CEACAM1: variants seen among roughly 807,000 people sequenced by gnomAD.
CEACAM1 encodes the protein CEA cell adhesion molecule 1.
CEACAM1 carries 31 observed loss-of-function variants against 49.1 expected under a neutral mutation model. That is an observed-to-expected ratio of 0.63 (90% CI 0.47 to 0.85). The LOEUF (loss-of-function observed/expected upper bound fraction) is 0.85. CEACAM1 is among the 40% of genes least tolerant of loss of function. The probability of loss-of-function intolerance (pLI) is 0.00; values close to 1 mark genes in which losing one functional copy is unlikely to be tolerated. For missense variants in CEACAM1, 570 were observed against 645.3 expected (o/e 0.88, Z 1.26); for synonymous variants, 244 against 247.8 (o/e 0.98, Z 0.14).
intron 5 of CEACAM1, among the ~76,000 whole-genome samples, chr19:42,513,756 T>C (rs1219691690): frequency 6.1e-5 from 9 of 147,184 alleles, no homozygotes. Flanking sequence ...GTATGTTTAA[T>C]CCCATCTTCA....
At chr19:42,516,651 A>G (rs2041605740) in intron 5 of CEACAM1, 1 of 161,628 alleles carries the variant, frequency 6.2e-6, no homozygotes, top group East Asian at 1.9e-4. Context: ...AATTCATTCT[A>G]AAATTTATAT....
intron 5 of CEACAM1, chr19:42,516,933 C>A: frequency 2.6e-6 from 1 of 383,738 alleles, no homozygotes; most frequent in South Asian, 1.9e-5. Context: ...AACAAACAAA[C>A]AAAATCCAAA....
chr19:42,521,152 C>T, intron 4 of CEACAM1, 115 bp downstream of exon 4: 1 of 1,167,882 alleles, frequency 8.6e-7, no homozygotes, highest in Middle Eastern at 2.0e-4. Flanking sequence ...AGAATTTGGA[C>T]TTGTTTGTGC....
intron 4 of CEACAM1, 124 bp from the exon 5 acceptor site, chr19:42,519,359 G>A: frequency 7.7e-6 from 7 of 908,384 alleles, no homozygotes; most frequent in Non-Finnish European, 1.2e-5. Flanking sequence ...GCTGTGCAAA[G>A]GTCACCAACC....
Position 42,527,119 on chromosome 19 carries a change from C to A in CEACAM1, c.346G>T (p.Asp116Tyr), listed in dbSNP as rs1471654066. 2 of 1,614,114 alleles carry A rather than the reference C, an allele frequency of 1.2e-6. No individual in the cohort carries two copies. Among genetic ancestry groups the A allele is most frequent in the Admixed American group, 1.7e-5 (1 of 60,016 alleles). ...SLLIQNVTQN[D>Y]TGFYTLQVIK... ...ACTTGTAGGGTGTAGAATCCTGTGT[C>A]ATTCTGGGTGACGTTCTGGATCAGC... is the stretch of plus-strand genomic sequence containing the variant. The change falls in exon 2 of 9, where the codon GAC becomes TAC. Residue 116 changes from aspartate to tyrosine, a missense_variant. Coordinates refer to ENST00000161559, the MANE Select transcript of CEACAM1 (RefSeq NM_001712.5).
intron 8 of CEACAM1, among the ~76,000 whole-genome samples, chr19:42,509,748 T>TC (rs1277188432): frequency 6.6e-6 from 1 of 151,978 alleles, no homozygotes; most frequent in East Asian, 1.9e-4. Flanking sequence ...TGTCTCAGCC[T>TC]CCCAAGTAGC....
chr19:42,521,116 A>T (rs1421628826), intron 4 of CEACAM1, 151 bp downstream of exon 4: 2 of 819,546 alleles, frequency 2.4e-6, no homozygotes, highest in Non-Finnish European at 4.0e-6. Flanking sequence ...GAGAGTCTGC[A>T]CAGATGAATT....
intron 5 of CEACAM1, among the ~76,000 whole-genome samples, chr19:42,518,246 C>T (rs1422466033): frequency 6.6e-6 from 1 of 152,066 alleles, no homozygotes; most frequent in Admixed American, 6.5e-5. Flanking sequence ...AACCCCAACT[C>T]TACAAAAAAA....
chr19:42,522,069 C>T lies in CEACAM1; in HGVS notation c.558G>A (p.Pro186=), dbSNP rs370929480. ...TGGACAGCTGCAGCCTGGGACTGAC[C>T]GGGAGGCTCTGATTGTTTATCCACC... The part of the protein sequence containing the change: ...YLWWINNQSL[P]VSPRLQLSNG... Residue 186 remains proline (P), a synonymous_variant, in exon 3 of 9, where the codon CCG becomes CCA. Coordinates refer to ENST00000161559, the MANE Select transcript of CEACAM1 (RefSeq NM_001712.5). 21 of 1,612,966 alleles carry T rather than the reference C, an allele frequency of 1.3e-5. 1 individual carries two copies. The highest frequency in any genetic ancestry group is 2.7e-5 in the African/African-American group (2 of 74,908).
rs1328783589 is a variant in CEACAM1, at chr19:42,527,296, T to A, written c.169A>T (p.Asn57Tyr). ...TAGCCAAAAAGTTGCTGGGGCAGAT[T>A]GTGGACAAGGAGAAGAACCTCCTTC... is the stretch of plus-strand genomic sequence containing the variant. ...EGKEVLLLVHNLPQQLFGYSW... is the reference protein window; with the variant it reads ...EGKEVLLLVHYLPQQLFGYSW... Residue 57 changes from asparagine to tyrosine, a missense_variant, in exon 2 of 9, where the codon AAT becomes TAT. By Grantham distance (143) the Asn-to-Tyr change is moderately radical (BLOSUM62 -2). Transcript: ENST00000161559. 1.2e-6 allele frequency: 2 copies of A among 1,614,036 alleles called. No homozygotes were observed. The highest frequency in any genetic ancestry group is 2.2e-5 in the East Asian group (1 of 44,878).
chr19:42,515,408 G>A (rs866451835), intron 5 of CEACAM1, among the ~76,000 whole-genome samples: 6 of 152,180 alleles, frequency 3.9e-5, no homozygotes, highest in Non-Finnish European at 7.3e-5. Flanking sequence ...GTACAGTGGT[G>A]TATGACTGTA....
chr19:42,521,652 T>C (rs769643583), intron 3 of CEACAM1, 131 bp from the exon 4 acceptor site: 2 of 1,526,594 alleles, frequency 1.3e-6, no homozygotes, highest in Non-Finnish European at 1.8e-6. Context: ...CTCCATTGTG[T>C]CCACTGAGTC....
At chr19:42,510,316 G>A (rs1286806754) in intron 8 of CEACAM1, among the ~76,000 whole-genome samples, 3 of 151,252 alleles carry the variant, frequency 2.0e-5, no homozygotes, top group Non-Finnish European at 4.4e-5. Flanking sequence ...TCGATCTCCT[G>A]ACCTTGTGTT....
Position 42,519,249 on chromosome 19 carries a change from G to T in CEACAM1, c.959-14C>A. The stretch of plus-strand genomic sequence containing the variant: ...CTGGACTTAGCTCTGTGGACAAGCA[G>T]AGTATCTGAGATAACCTACTGAGAA... On this transcript the variant is annotated splice_polypyrimidine_tract_variant and intron_variant, in intron 4 of 8. Transcript: ENST00000161559. 1 of 1,613,342 alleles carries T rather than the reference G, an allele frequency of 6.2e-7. No homozygotes were observed. Among genetic ancestry groups the T allele is most frequent in the Non-Finnish European group, 8.5e-7 (1 of 1,179,794 alleles).
intron 4 of CEACAM1, chr19:42,519,570 C>CTT (rs34440555): frequency 0.093 from 15,578 of 168,108 alleles, 863 homozygotes; most frequent in Admixed American, 0.18. Context: ...TTCCCACTGA[C>CTT]TTTTTTTTTT....
Position 42,527,243 on chromosome 19 carries a change from A to T in CEACAM1, c.222T>A (p.Asp74Glu). The change falls in exon 2 of 9, where the codon GAT becomes GAA. Residue 74 changes from aspartate (D) to glutamate (E), a missense_variant. Coordinates refer to ENST00000161559, the MANE Select transcript of CEACAM1 (RefSeq NM_001712.5). ...GYSWYKGERV[D>E]GNRQIVGYAI... ...CATATCCTACAATTTGACGGTTGCC[A>T]TCCACTCTTTCCCCTTTGTACCAGC... is the stretch of plus-strand genomic sequence containing the variant. 6.2e-7 allele frequency: 1 copy of T among 1,613,932 alleles called. No homozygotes were observed. Among genetic ancestry groups the T allele is most frequent in the Non-Finnish European group, 8.5e-7 (1 of 1,179,976 alleles).
chr19:42,520,960 G>T (rs1449115649), intron 4 of CEACAM1: 5 of 361,898 alleles, frequency 1.4e-5, no homozygotes, highest in Non-Finnish European at 2.5e-5. Flanking sequence ...AGTGACAGAA[G>T]CAAATTGACC....
At chr19:42,526,992 G>C in intron 2 of CEACAM1, 49 bp downstream of exon 2, 1 of 1,571,900 alleles carries the variant, frequency 6.4e-7, no homozygotes, top group Non-Finnish European at 8.6e-7. Context: ...CCATGTGTGG[G>C]AAGTAGAACT....
chr19:42,511,654 T>A, intron 6 of CEACAM1, 26 bp from the exon 7 acceptor site: 1 of 1,610,292 alleles, frequency 6.2e-7, no homozygotes, highest in Non-Finnish European at 8.5e-7. Flanking sequence ...AAACTGTGAC[T>A]GCTATTCCCA....
Sources: gnomAD v4.1 joint callset for allele counts (sites outside exome capture counted in the v4.1 genomes callset) on GRCh38, gnomAD v4.1.1 for gene constraint, MANE v1.5 for transcripts, NCBI Gene and HGNC (gene_info 2026-07-23, HGNC 2026-07-21) for gene names.